The following ATP11A variants were observed in gnomAD, a reference collection of about 807,000 sequenced individuals.
ATP11A encodes the protein phospholipid-transporting ATPase IH.
A neutral mutation model predicts 154.4 loss-of-function variants in ATP11A; 81 were observed. That is an observed-to-expected ratio of 0.52 (90% CI 0.44 to 0.63). The LOEUF is 0.63. Ranked by LOEUF, ATP11A falls within the 30% of genes least tolerant of loss-of-function variation. ATP11A has a pLI of 0.00. For synonymous variants in ATP11A, 623 were observed against 585.9 expected (o/e 1.06, Z -0.91); for missense variants, 1,316 against 1,474.3 (o/e 0.89, Z 1.76).
Position 112,859,376 on chromosome 13 carries a change from T to C in ATP11A, c.2668-17T>C. 1.9e-6 allele frequency: 3 copies of C among 1,613,040 alleles called. No individual in the cohort carries two copies. The highest frequency in any genetic ancestry group is 2.5e-6 in the Non-Finnish European group (3 of 1,178,994). On this transcript the variant is annotated splice_polypyrimidine_tract_variant and intron_variant, in intron 22 of 29. Coordinates refer to ENST00000375645, the MANE Select transcript of ATP11A (RefSeq NM_015205.3). The surrounding 1 kb of genome is among the most constrained non-coding windows in gnomAD (Gnocchi z 4.3). ...TCTGTCCCGTCACCGAACTAACAGT[T>C]ATGCCTTGCCTTTCAGAACGTCTGC...
intron 1 of ATP11A, among the ~76,000 whole-genome samples, chr13:112,781,805 A>G (rs1183588434): frequency 2.7e-5 from 4 of 149,696 alleles, no homozygotes; most frequent in African/African-American, 9.9e-5. Flanking sequence ...AAAAAAAAAG[A>G]ATTTGAACAT....
chr13:112,824,441 C>T lies in ATP11A; in HGVS notation c.872+16C>T, dbSNP rs372446027. On this transcript the variant is annotated intron_variant, in intron 10 of 29. Coordinates refer to ENST00000375645, the MANE Select transcript of ATP11A (RefSeq NM_015205.3). ...CCGTGGAAAAGTAAGGCTGGATGCG[C>T]GTGAGAACCTGCAACTTAAAAGTGT... The T allele has an allele frequency of 3.4e-5, 54 of 1,611,012 alleles. No individual in the cohort carries two copies. Among genetic ancestry groups the T allele is most frequent in the Non-Finnish European group, 3.1e-5 (37 of 1,177,358 alleles).
At chr13:112,718,935 C>T (rs1205215827) in intron 1 of ATP11A, among the ~76,000 whole-genome samples, 1 of 152,204 alleles carries the variant, frequency 6.6e-6, no homozygotes, top group Non-Finnish European at 1.5e-5. Flanking sequence ...CCGCCTTGCC[C>T]TCCCAAAGTG....
At chr13:112,805,763 G>A (rs1392746374) in intron 3 of ATP11A, among the ~76,000 whole-genome samples, 1 of 151,336 alleles carries the variant, frequency 6.6e-6, no homozygotes, top group African/African-American at 2.4e-5. Context: ...AGAAAAAAAA[G>A]AGTGAAAAAA....
chr13:112,861,516 G>A (rs116636235), intron 24 of ATP11A, among the ~76,000 whole-genome samples: 1,963 of 152,326 alleles, frequency 0.013, 26 homozygotes, highest in African/African-American at 0.03. Context: ...CATGACACGT[G>A]TATGTGTGTG....
chr13:112,802,216 G>A (rs2078154497), intron 2 of ATP11A, among the ~76,000 whole-genome samples: 1 of 152,054 alleles, frequency 6.6e-6, no homozygotes, highest in Admixed American at 6.5e-5. Context: ...CGTGGTGGTG[G>A]GCGCCTGTAG....
chr13:112,698,951 C>T (rs1007761938), intron 1 of ATP11A, among the ~76,000 whole-genome samples: 3 of 152,178 alleles, frequency 2.0e-5, no homozygotes, highest in African/African-American at 4.8e-5. Flanking sequence ...TGGTCTCGAA[C>T]TCCTGACCTC....
In ATP11A at chr13:112,871,815, G is replaced by A. The variant is rs754264339; in HGVS notation, c.3057+15G>A. 2.0e-5 allele frequency: 32 copies of A among 1,612,730 alleles called. No homozygotes were observed. Among genetic ancestry groups the A allele is most frequent in the Admixed American group, 8.3e-5 (5 of 60,014 alleles). On this transcript the variant is annotated intron_variant, in intron 26 of 29. Transcript: ENST00000375645. ...TTACACTAAAGGTAAGTGGTCTCGC[G>A]CTCACGTTCCTCCCCCAGCCACAGT... is the stretch of plus-strand genomic sequence containing the variant.
intron 1 of ATP11A, among the ~76,000 whole-genome samples, chr13:112,728,465 C>T (rs1429332870): frequency 1.4e-4 from 19 of 139,106 alleles, no homozygotes; most frequent in African/African-American, 4.4e-4. Flanking sequence ...GCCGTGAGAC[C>T]GTGCAGCCCG....
chr13:112,816,133 G>A lies in ATP11A; in HGVS notation c.492G>A (p.Leu164=). The part of the protein sequence containing the change: ...VKEDETFPCD[L]IFLSSNRGDG... ...AGGACGAGACCTTTCCCTGCGACTT[G>A]ATCTTCCTTTCCAGCAACCGGGGAG... The change falls in exon 6 of 30, where the codon TTG becomes TTA. Residue 164 remains leucine, a synonymous_variant. Transcript: ENST00000375645. 6.2e-7 allele frequency: 1 copy of A among 1,614,208 alleles called. No homozygotes were observed. The highest frequency in any genetic ancestry group is 2.2e-5 in the East Asian group (1 of 44,872).
intron 17 of ATP11A, among the ~76,000 whole-genome samples, chr13:112,849,938 G>A (rs1223452311): frequency 1.3e-5 from 2 of 152,220 alleles, no homozygotes; most frequent in African/African-American, 2.4e-5. Flanking sequence ...TCTGGAGGAT[G>A]GGAAGGAAGG....
intron 5 of ATP11A, among the ~76,000 whole-genome samples, chr13:112,814,407 A>G (rs561253631): frequency 3.3e-5 from 5 of 152,030 alleles, no homozygotes; most frequent in African/African-American, 4.8e-5. Context: ...AGTGTCCTGA[A>G]TGAAGCATTC....
chr13:112,844,028 C>T (rs567112100), intron 17 of ATP11A, among the ~76,000 whole-genome samples: 5 of 152,320 alleles, frequency 3.3e-5, no homozygotes, highest in African/African-American at 4.8e-5. Context: ...AAGCGTCCTG[C>T]GCTTCGACAC....
rs72660041 is a variant in ATP11A at position 112,818,297 on chromosome 13, G to T, written c.571-1007G>T. Among the ~76,000 whole-genome samples, 1,303 of 150,068 alleles carry T rather than the reference G, an allele frequency of 8.7e-3. 7 individuals carry two copies. The highest frequency in any genetic ancestry group is 0.015 in the Non-Finnish European group (993 of 67,456). On this transcript the variant is annotated intron_variant, in intron 6 of 29. Coordinates refer to ENST00000375645, the MANE Select transcript of ATP11A (RefSeq NM_015205.3). Reference sequence around the variant, plus strand: ...GTTGGTGCGCTTGGTGACAGGCGATGACCGTTGGTGCGCTTGGTGACGGGG... The same window carrying T: ...GTTGGTGCGCTTGGTGACAGGCGATTACCGTTGGTGCGCTTGGTGACGGGG...
At chr13:112,857,673 CAG>C (rs2079969442) in intron 20 of ATP11A, 143 bp from the exon 21 acceptor site, 4 of 657,604 alleles carry the variant, frequency 6.1e-6, no homozygotes, top group East Asian at 5.5e-5. Flanking sequence ...AGAAAACAGA[CAG>C]AATGTCGTAA....
In ATP11A at chr13:112,806,211, A is replaced by T; in HGVS notation, c.253-2A>T. On this transcript the variant is annotated splice_acceptor_variant, in intron 3 of 29. Coordinates refer to ENST00000375645, the MANE Select transcript of ATP11A (RefSeq NM_015205.3). LOFTEE classifies it high-confidence loss of function. ...TGATTTTACAATTCTCTCTTTCTGC[A>T]GTTGATTATTGATACACCCACAAGT... 6.2e-7 allele frequency: 1 copy of T among 1,609,402 alleles called. No homozygotes were observed. Among genetic ancestry groups the T allele is most frequent in the Non-Finnish European group, 8.5e-7 (1 of 1,176,974 alleles).
intron 8 of ATP11A, among the ~76,000 whole-genome samples, chr13:112,821,463 G>A (rs1001619150): frequency 6.6e-6 from 1 of 152,060 alleles, no homozygotes; most frequent in African/African-American, 2.4e-5. Context: ...ACAGGCGTGT[G>A]CCACCATGCC....
intron 1 of ATP11A, among the ~76,000 whole-genome samples, chr13:112,721,829 A>G (rs1472181020): frequency 6.6e-6 from 1 of 152,242 alleles, no homozygotes; most frequent in Non-Finnish European, 1.5e-5. Flanking sequence ...TAGTATGAGC[A>G]AAAAGAAGGA....
chr13:112,870,389 T>A (rs912224932), intron 25 of ATP11A, among the ~76,000 whole-genome samples: 11 of 152,206 alleles, frequency 7.2e-5, no homozygotes, highest in Non-Finnish European at 1.2e-4. Context: ...GTATTCCAGC[T>A]TTTTAAGAGA....
Sources: allele counts gnomAD v4.1 joint callset (sites outside exome capture counted in the v4.1 genomes callset), GRCh38; gene constraint gnomAD v4.1.1; non-coding constraint Gnocchi (gnomAD v3.1); transcripts MANE v1.5; gene names NCBI Gene and HGNC (gene_info 2026-07-23, HGNC 2026-07-21).